Variants in KIAA1328 observed in about 807,000 individuals in gnomAD.
The protein encoded by KIAA1328 is protein hinderin.
In KIAA1328, 52 loss-of-function variants were observed where a neutral mutation model predicts 68.1. The ratio of observed to expected loss-of-function variants is 0.76; its 90% CI spans 0.61 to 0.96. The LOEUF (loss-of-function observed/expected upper bound fraction) is 0.96, where lower values mean the gene tolerates loss of function less well. Ranked by LOEUF, KIAA1328 falls within the 40% of genes least tolerant of loss-of-function variation. KIAA1328 has a pLI of 0.00. For missense variants in KIAA1328, 641 were observed against 677.6 expected (o/e 0.95, Z 0.60); for synonymous variants, 232 against 239.4 (o/e 0.97, Z 0.28).
rs1218061716 is a variant in KIAA1328 at position 37,224,442 on chromosome 18, C to T, written c.*2215C>T. The T allele has an allele frequency of 1.0e-6, 1 of 985,268 alleles. No homozygotes were observed. Among genetic ancestry groups the T allele is most frequent in the Non-Finnish European group, 1.2e-6 (1 of 829,928 alleles). 61.0% of individuals were successfully genotyped at this position (985,268 alleles called of 1,614,324 possible). A position where few individuals can be genotyped will look rare whatever the true frequency, so the allele number is the denominator to read the frequency against. On this transcript the variant is annotated 3_prime_UTR_variant, in exon 10 of 10. Coordinates refer to ENST00000280020, the MANE Select transcript of KIAA1328 (RefSeq NM_020776.3). ...GCAGAATATCAACCAATACATTTTTCACATGCAAAACTCATCACCAGTTGC... is the reference window on the plus strand; with the variant it reads ...GCAGAATATCAACCAATACATTTTTTACATGCAAAACTCATCACCAGTTGC...
chr18:37,000,793 T>A (rs879281197), intron 6 of KIAA1328, among the ~76,000 whole-genome samples: 14 of 151,988 alleles, frequency 9.2e-5, no homozygotes, highest in Admixed American at 9.2e-4. Context: ...TGAATGACCA[T>A]CATGAAAATG....
At chr18:36,937,918 A>C (rs377139818) in intron 5 of KIAA1328, among the ~76,000 whole-genome samples, 31 of 152,086 alleles carry the variant, frequency 2.0e-4, no homozygotes, top group Non-Finnish European at 1.3e-4. Flanking sequence ...AGTTTCATCT[A>C]TGTTGCTGCA....
intron 7 of KIAA1328, among the ~76,000 whole-genome samples, chr18:37,154,443 T>C (rs1195751410): frequency 6.6e-6 from 1 of 152,206 alleles, no homozygotes; most frequent in African/African-American, 2.4e-5. Flanking sequence ...TATGTGAATC[T>C]AAATATATGT....
At chr18:37,027,222 CACAA>C (rs1300419270) in intron 6 of KIAA1328, among the ~76,000 whole-genome samples, 1 of 152,142 alleles carries the variant, frequency 6.6e-6, no homozygotes, top group African/African-American at 2.4e-5. Flanking sequence ...TAAAAGACGA[CACAA>C]ACAAATGGAA....
At chr18:37,019,803 G>A (rs1263255651) in intron 6 of KIAA1328, among the ~76,000 whole-genome samples, 1 of 152,204 alleles carries the variant, frequency 6.6e-6, no homozygotes, top group Non-Finnish European at 1.5e-5. Flanking sequence ...GGCATGGAGT[G>A]TAGAGGGTTT....
intron 9 of KIAA1328, among the ~76,000 whole-genome samples, chr18:37,195,300 C>T (rs2059982741): frequency 1.3e-5 from 2 of 152,144 alleles, no homozygotes. Flanking sequence ...CTTTGCTGTG[C>T]AGAAGCTCTT....
intron 5 of KIAA1328, among the ~76,000 whole-genome samples, chr18:36,917,160 G>A (rs959575346): frequency 5.9e-5 from 9 of 152,008 alleles, no homozygotes; most frequent in African/African-American, 1.9e-4. Flanking sequence ...TCCTTCATGG[G>A]TCATGTTTTC....
At chr18:37,118,861 A>C (rs1436319081) in intron 7 of KIAA1328, among the ~76,000 whole-genome samples, 3 of 152,130 alleles carry the variant, frequency 2.0e-5, no homozygotes, top group Non-Finnish European at 4.4e-5. Flanking sequence ...AGGAAACAGC[A>C]CCATATATTA....
chr18:36,829,433 A>T, intron 1 of KIAA1328: 2 of 1,315,572 alleles, frequency 1.5e-6, no homozygotes, highest in Non-Finnish European at 1.9e-6. Context: ...CCCAGCGCTC[A>T]CTACCGGTGA....
At chr18:36,850,170 ATTC>A (rs2047166217) in intron 4 of KIAA1328, among the ~76,000 whole-genome samples, 1 of 151,866 alleles carries the variant, frequency 6.6e-6, no homozygotes, top group South Asian at 2.1e-4. Flanking sequence ...TCTCAGTGGT[ATTC>A]TTTGAAGTAC....
chr18:37,133,143 G>T (rs1327040214), intron 7 of KIAA1328, among the ~76,000 whole-genome samples: 1 of 151,996 alleles, frequency 6.6e-6, no homozygotes, highest in Admixed American at 6.5e-5. Flanking sequence ...AACCAGCCTG[G>T]CCAACATGGT....
At chr18:37,079,721 C>T (rs2056881165) in intron 7 of KIAA1328, among the ~76,000 whole-genome samples, 1 of 151,698 alleles carries the variant, frequency 6.6e-6, no homozygotes, top group Admixed American at 6.6e-5. Flanking sequence ...AACCCTGTCT[C>T]TACTAAAATA....
chr18:37,136,022 G>A (rs1240424115), intron 7 of KIAA1328, among the ~76,000 whole-genome samples: 3 of 151,970 alleles, frequency 2.0e-5, no homozygotes, highest in African/African-American at 7.3e-5. Flanking sequence ...TGTCTGTTTT[G>A]TACCAGGACC....
At chr18:37,177,298 T>C (rs1316182916) in intron 9 of KIAA1328, among the ~76,000 whole-genome samples, 1 of 152,132 alleles carries the variant, frequency 6.6e-6, no homozygotes, top group Non-Finnish European at 1.5e-5. Context: ...TTTAAAAATA[T>C]TGGTGGAGTT....
intron 9 of KIAA1328, among the ~76,000 whole-genome samples, chr18:37,173,397 A>G (rs967369977): frequency 2.0e-5 from 3 of 152,250 alleles, no homozygotes; most frequent in African/African-American, 7.2e-5. Context: ...CATTTAGACT[A>G]TAAGTTTAAC....
chr18:37,169,767 T>G (rs997465693), intron 8 of KIAA1328, among the ~76,000 whole-genome samples: 2 of 152,254 alleles, frequency 1.3e-5, no homozygotes, highest in Admixed American at 1.3e-4. Flanking sequence ...TCCCATACCC[T>G]TTCAGAATTT....
At chr18:36,862,632 A>AAAT (rs1240826216) in intron 4 of KIAA1328, among the ~76,000 whole-genome samples, 2 of 152,170 alleles carry the variant, frequency 1.3e-5, no homozygotes, top group Non-Finnish European at 2.9e-5. Context: ...TGTTGTCTCC[A>AAAT]GTGTTATAAA....
chr18:36,984,219 C>T (rs1368664860), intron 6 of KIAA1328, among the ~76,000 whole-genome samples: 1 of 152,130 alleles, frequency 6.6e-6, no homozygotes, highest in East Asian at 1.9e-4. Context: ...TTCAGCCTTA[C>T]CACATCTATT....
chr18:36,927,755 C>G (rs984633906), intron 5 of KIAA1328, among the ~76,000 whole-genome samples: 1 of 147,588 alleles, frequency 6.8e-6, no homozygotes, highest in African/African-American at 2.5e-5. Flanking sequence ...GAGACCCTGT[C>G]TCAAATAAAG....
Sources: allele counts gnomAD v4.1 joint callset (sites outside exome capture counted in the v4.1 genomes callset), GRCh38; gene constraint gnomAD v4.1.1; transcripts MANE v1.5; gene names NCBI Gene and HGNC (gene_info 2026-07-23, HGNC 2026-07-21).